ASB4: variants seen among roughly 807,000 people sequenced by gnomAD.
The protein encoded by ASB4 is ankyrin repeat and SOCS box containing 4.
Under a neutral mutation model 38.6 loss-of-function variants are expected in ASB4, and 35 were observed. The ratio of observed to expected loss-of-function variants is 0.91; its 90% confidence interval spans 0.69 to 1.20. The LOEUF is 1.20. Ranked by LOEUF, ASB4 falls within the 50% of genes most tolerant of loss-of-function variation. The pLI is 0.00. For synonymous variants in ASB4, 195 were observed against 201.3 expected (o/e 0.97, Z 0.26); for missense variants, 557 against 527.2 (o/e 1.06, Z -0.55).
At chr7:95,517,323 C>T (rs1007158109) in intron 2 of ASB4, among the ~76,000 whole-genome samples, 1 of 152,144 alleles carries the variant, frequency 6.6e-6, no homozygotes, top group Admixed American at 6.6e-5. Flanking sequence ...CGTTAGCCAC[C>T]ATGCCAGGTC....
chr7:95,527,056 A>C (rs902385486), intron 2 of ASB4, among the ~76,000 whole-genome samples: 1 of 152,260 alleles, frequency 6.6e-6, no homozygotes, highest in Admixed American at 6.5e-5. Flanking sequence ...AACCATAAAT[A>C]AAACATTTTG....
intron 2 of ASB4, among the ~76,000 whole-genome samples, chr7:95,518,870 G>A (rs1790621741): frequency 6.6e-6 from 1 of 152,228 alleles, no homozygotes; most frequent in South Asian, 2.1e-4. Flanking sequence ...AGGAAGACTT[G>A]AGCCAGACAC....
downstream of ASB4, among the ~76,000 whole-genome samples, chr7:95,540,615 T>C (rs1369920025): frequency 6.6e-6 from 1 of 152,230 alleles, no homozygotes; most frequent in Admixed American, 6.5e-5. Flanking sequence ...CCTTTGTTAC[T>C]TTCTTAGAAA....
intron 1 of ASB4, among the ~76,000 whole-genome samples, chr7:95,494,170 G>A (rs929842761): frequency 3.3e-5 from 5 of 152,282 alleles, no homozygotes; most frequent in African/African-American, 1.2e-4. Flanking sequence ...TTAAATGAGA[G>A]AAATTTAATA....
chr7:95,532,445 G>C (rs1790831205), intron 3 of ASB4, among the ~76,000 whole-genome samples: 2 of 152,116 alleles, frequency 1.3e-5, no homozygotes, highest in Non-Finnish European at 2.9e-5. Context: ...GACACCCCAG[G>C]GAGCCAAGAT....
chr7:95,495,660 TG>T, intron 1 of ASB4, 97 bp from the exon 2 acceptor site: 2 of 1,254,006 alleles, frequency 1.6e-6, no homozygotes, highest in Middle Eastern at 2.5e-4. Context: ...TTTATAAATG[TG>T]GCCAAAATAA....
intron 2 of ASB4, among the ~76,000 whole-genome samples, chr7:95,497,105 T>C (rs1399793741): frequency 6.6e-6 from 1 of 152,058 alleles, no homozygotes; most frequent in Non-Finnish European, 1.5e-5. Flanking sequence ...TGTTAGATCC[T>C]ACAGGGCCTT....
intron 2 of ASB4, among the ~76,000 whole-genome samples, chr7:95,501,649 G>T (rs1790339177): frequency 6.6e-6 from 1 of 152,100 alleles, no homozygotes; most frequent in African/African-American, 2.4e-5. Flanking sequence ...TTTTTACATT[G>T]TGGCCTTTTC....
intron 3 of ASB4, among the ~76,000 whole-genome samples, chr7:95,530,389 C>T (rs891734840): frequency 2.6e-5 from 4 of 152,016 alleles, no homozygotes; most frequent in African/African-American, 7.3e-5. Context: ...GGCTTGAACC[C>T]GGGAGGCAGA....
chr7:95,501,898 C>T (rs928899833), intron 2 of ASB4, among the ~76,000 whole-genome samples: 6 of 152,102 alleles, frequency 3.9e-5, no homozygotes, highest in African/African-American at 7.2e-5. Context: ...CATTAAAGAT[C>T]CACTTACTCT....
At chr7:95,515,162 T>TCC (rs1382149057) in intron 2 of ASB4, among the ~76,000 whole-genome samples, 15 of 106,038 alleles carry the variant, frequency 1.4e-4, no homozygotes, top group Non-Finnish European at 1.8e-4. Context: ...TCTTTCTTTC[T>TCC]CTTTCTCTTT....
rs868373034 is a variant in ASB4 at position 95,538,030 on chromosome 7, A to C, written c.*271A>C. On this transcript the variant is annotated 3_prime_UTR_variant, in exon 5 of 5. Transcript: ENST00000325885. The stretch of plus-strand genomic sequence containing the variant: ...GTATAGTGTTCTTACTAAGTACCTG[A>C]AATATTTTTGTAAAACTTCTTATAT... The C allele has an allele frequency of 3.3e-5, 10 of 303,952 alleles. No individual in the cohort carries two copies. The South Asian group carries it at 3.4e-4, about 10-fold the overall frequency. 18.8% of individuals were successfully genotyped at this position (303,952 alleles called of 1,614,324 possible). A position where few individuals can be genotyped will look rare whatever the true frequency, so the allele number is the denominator to read the frequency against.
intron 2 of ASB4, among the ~76,000 whole-genome samples, chr7:95,498,259 C>T (rs542652134): frequency 3.9e-5 from 6 of 152,232 alleles, no homozygotes; most frequent in African/African-American, 1.2e-4. Flanking sequence ...CTGCTTGGGT[C>T]TAGGAGTTTG....
chr7:95,480,528 T>G (rs1049043355), intron 1 of ASB4, among the ~76,000 whole-genome samples: 1 of 152,340 alleles, frequency 6.6e-6, no homozygotes. Context: ...AGCTTCCAAC[T>G]GGCTCTCTTG....
intron 1 of ASB4, among the ~76,000 whole-genome samples, chr7:95,489,840 T>G (rs1424527559): frequency 7.2e-5 from 11 of 152,202 alleles, no homozygotes; most frequent in Non-Finnish European, 1.5e-4. Context: ...AAGAAATCTT[T>G]AAAGAAAACA....
At chr7:95,486,428 G>A (rs1398691149) in intron 1 of ASB4, among the ~76,000 whole-genome samples, 1 of 152,120 alleles carries the variant, frequency 6.6e-6, no homozygotes, top group Admixed American at 6.5e-5. Flanking sequence ...CACTCTCTCT[G>A]TTTTTAACTT....
intron 1 of ASB4, among the ~76,000 whole-genome samples, chr7:95,491,022 C>T (rs1790163641): frequency 6.6e-6 from 1 of 152,196 alleles, no homozygotes; most frequent in Non-Finnish European, 1.5e-5. Flanking sequence ...GTTATATGAA[C>T]ATGGACACTT....
At chr7:95,480,905 A>T (rs547006060), upstream of ASB4, among the ~76,000 whole-genome samples, 2 of 152,342 alleles carry the variant, frequency 1.3e-5, no homozygotes, top group Admixed American at 1.3e-4. Context: ...TGAAGGGCTA[A>T]ATGTGAGCTG....
the ASB4 span, among the ~76,000 whole-genome samples, chr7:95,546,423 A>AT: frequency 2.6e-5 from 4 of 151,504 alleles, no homozygotes; most frequent in Admixed American, 6.6e-5. Flanking sequence ...ATTCTTAAAT[A>AT]TTTTTTTTTC....
Sources: gnomAD v4.1 joint callset for allele counts (sites outside exome capture counted in the v4.1 genomes callset) on GRCh38, gnomAD v4.1.1 for gene constraint, MANE v1.5 for transcripts, NCBI Gene and HGNC (gene_info 2026-07-23, HGNC 2026-07-21) for gene names.